Variants in SPIDR observed in about 807,000 individuals in gnomAD.
SPIDR encodes the protein scaffold protein involved in DNA repair.
A neutral mutation model predicts 104.6 loss-of-function variants in SPIDR; 93 were observed. That is an observed-to-expected ratio of 0.89 (90% CI 0.75 to 1.06). SPIDR has a LOEUF of 1.06. Ranked by LOEUF, SPIDR falls within the 50% of genes least tolerant of loss-of-function variation. SPIDR has a pLI of 0.00. For missense variants in SPIDR, 1,154 were observed against 1,111.2 expected, an observed-to-expected ratio of 1.04 and a Z score of -0.55; for synonymous variants, 431 against 416.9, an observed-to-expected ratio of 1.03 and a Z score of -0.41.
At chr8:47,277,353 ATGT>A (rs2036705152) in intron 1 of SPIDR, among the ~76,000 whole-genome samples, 15 of 147,194 alleles carry the variant, frequency 1.0e-4, no homozygotes, top group Non-Finnish European at 2.0e-4. Flanking sequence ...ATGTTATGTT[ATGT>A]TATGTTATGT....
intron 8 of SPIDR, among the ~76,000 whole-genome samples, chr8:47,589,363 T>C (rs2060707415): frequency 6.6e-6 from 1 of 151,266 alleles, no homozygotes; most frequent in Admixed American, 6.6e-5. Context: ...CTATTAAAAA[T>C]GCAAAAAAAT....
intron 8 of SPIDR, among the ~76,000 whole-genome samples, chr8:47,549,733 G>A (rs944467180): frequency 6.6e-6 from 1 of 152,126 alleles, no homozygotes; most frequent in Non-Finnish European, 1.5e-5. Flanking sequence ...CACTCTGATG[G>A]TAGTTTCTTT....
chr8:47,654,215 TAGA>T lies in SPIDR; in HGVS notation c.1545-19581_1545-19579del, dbSNP rs202149316. On this transcript the variant is annotated intron_variant, in intron 10 of 19. Transcript: ENST00000297423. ...TGTAGCAGCAACCTGCAGGAGGGGT[TAGA>T]AGAAAGGAAAGAACAGGGTTTAAGA... is the stretch of plus-strand genomic sequence containing the variant. 1.1e-3 allele frequency: 1,368 copies of T among 1,269,960 alleles called. 10 individuals are homozygous for T. In the African/African-American group the frequency reaches 0.016, roughly 15 times the overall value. 78.7% of individuals were successfully genotyped at this position (1,269,960 alleles called of 1,614,324 possible). A position where few individuals can be genotyped will look rare whatever the true frequency, so the allele number is the denominator to read the frequency against.
At chr8:47,322,584 C>G (rs2046881623) in intron 5 of SPIDR, among the ~76,000 whole-genome samples, 1 of 152,184 alleles carries the variant, frequency 6.6e-6, no homozygotes, top group South Asian at 2.1e-4. Context: ...CATCCCATTA[C>G]TGGGTATATA....
chr8:47,280,470 G>A (rs1225604943), intron 2 of SPIDR, among the ~76,000 whole-genome samples: 4 of 150,488 alleles, frequency 2.7e-5, no homozygotes, highest in Non-Finnish European at 5.9e-5. Context: ...TTGGCTCGCT[G>A]CAACCTCCGC....
rs539974270 is a variant in SPIDR at position 47,712,559 on chromosome 8, A to G, written c.1978-103A>G. 2.1e-5 allele frequency: 26 copies of G among 1,264,682 alleles called. No individual in the cohort carries two copies. The South Asian group carries it at 3.5e-4, about 17-fold the overall frequency. The allele number at this position is 1,264,682 out of a possible 1,614,324, so 78.3% of individuals were successfully genotyped here. A position where few individuals can be genotyped will look rare whatever the true frequency, so the allele number is the denominator to read the frequency against. Reference sequence around the variant, plus strand: ...GTGTATGTTTTAAAGTGTTTTTGAAATAATATCTTAAATTGTTAGTATATG... The same window carrying G: ...GTGTATGTTTTAAAGTGTTTTTGAAGTAATATCTTAAATTGTTAGTATATG... On this transcript the variant is annotated intron_variant, in intron 14 of 19. Transcript: ENST00000297423.
Position 47,419,981 on chromosome 8 carries a change from A to G in SPIDR, c.877+12020A>G, listed in dbSNP as rs544166778. 3.1e-3 allele frequency among the ~76,000 whole-genome samples: 468 copies of G among 152,260 alleles called. 1 individual carries two copies. Among genetic ancestry groups the G allele is most frequent in the African/African-American group, 0.011 (457 of 41,552 alleles). ...TAGTTTGAACTGTGGTCTGAGAGAC[A>G]GTTTGTTATAATTTCTGTTCTTTTA... On this transcript the variant is annotated intron_variant, in intron 7 of 19. Transcript: ENST00000297423.
chr8:47,466,887 G>GAAA (rs148299700), intron 8 of SPIDR, among the ~76,000 whole-genome samples: 731 of 48,904 alleles, frequency 0.015, 8 homozygotes, highest in African/African-American at 0.03. Flanking sequence ...AGTTTTTTTT[G>GAAA]AAAAAAAAAA....
chr8:47,728,322 C>G (rs1447759678), intron 17 of SPIDR, among the ~76,000 whole-genome samples: 1 of 151,298 alleles, frequency 6.6e-6, no homozygotes, highest in African/African-American at 2.4e-5. Context: ...GTAGTCCCAG[C>G]TACTCCAGAG....
At chr8:47,508,311 A>G (rs1356615061) in intron 8 of SPIDR, among the ~76,000 whole-genome samples, 3 of 152,204 alleles carry the variant, frequency 2.0e-5, no homozygotes, top group Non-Finnish European at 4.4e-5. Flanking sequence ...ACGTACATGC[A>G]AACACATACC....
At chr8:47,721,964 G>A (rs1471468387) in intron 16 of SPIDR, among the ~76,000 whole-genome samples, 1 of 152,116 alleles carries the variant, frequency 6.6e-6, no homozygotes, top group Non-Finnish European at 1.5e-5. Flanking sequence ...TGTAGATCAG[G>A]TGGGGAAAAA....
At chr8:47,453,289 G>T (rs1176920394) in intron 8 of SPIDR, among the ~76,000 whole-genome samples, 1 of 152,148 alleles carries the variant, frequency 6.6e-6, no homozygotes, top group African/African-American at 2.4e-5. Flanking sequence ...TGGCCATACT[G>T]CCCAGGGTAA....
At chr8:47,354,396 A>G (rs2054132013) in intron 5 of SPIDR, among the ~76,000 whole-genome samples, 1 of 151,640 alleles carries the variant, frequency 6.6e-6, no homozygotes, top group African/African-American at 2.4e-5. Flanking sequence ...TGCAACCAGT[A>G]TACAAAAAGC....
chr8:47,716,757 T>A (rs2082642876), intron 16 of SPIDR, among the ~76,000 whole-genome samples: 1 of 151,904 alleles, frequency 6.6e-6, no homozygotes, highest in Middle Eastern at 3.2e-3. Flanking sequence ...TGGGCAAGGC[T>A]GTAAGAGCAG....
chr8:47,638,744 T>C (rs1031991121), intron 10 of SPIDR, among the ~76,000 whole-genome samples: 1 of 152,230 alleles, frequency 6.6e-6, no homozygotes, highest in Non-Finnish European at 1.5e-5. Context: ...CTGGAGGAGA[T>C]AGTGTGAGAA....
At chr8:47,651,407 T>C (rs2071601217) in intron 10 of SPIDR, among the ~76,000 whole-genome samples, 1 of 152,124 alleles carries the variant, frequency 6.6e-6, no homozygotes, top group Non-Finnish European at 1.5e-5. Context: ...GATAGCACCT[T>C]ACCCCCTCAA....
chr8:47,714,735 G>C (rs902127783), intron 16 of SPIDR, among the ~76,000 whole-genome samples: 5 of 152,134 alleles, frequency 3.3e-5, no homozygotes, highest in Non-Finnish European at 5.9e-5. Flanking sequence ...CGTCCAGGTG[G>C]GGGGAGAGGT....
At chr8:47,335,592 A>G (rs2049543343) in intron 5 of SPIDR, among the ~76,000 whole-genome samples, 1 of 152,212 alleles carries the variant, frequency 6.6e-6, no homozygotes, top group South Asian at 2.1e-4. Context: ...CTAGGATTAC[A>G]GGTGTGCACC....
intron 5 of SPIDR, among the ~76,000 whole-genome samples, chr8:47,317,321 G>T (rs1036664416): frequency 4.6e-5 from 7 of 151,974 alleles, no homozygotes; most frequent in African/African-American, 1.7e-4. Flanking sequence ...CGCCTGGCTC[G>T]GAGGGTCCTA....
Sources: gnomAD v4.1 joint callset for allele counts (sites outside exome capture counted in the v4.1 genomes callset) on GRCh38, gnomAD v4.1.1 for gene constraint, MANE v1.5 for transcripts, NCBI Gene and HGNC (gene_info 2026-07-23, HGNC 2026-07-21) for gene names.